The following PNISR variants were observed in gnomAD, a reference collection of about 807,000 sequenced individuals.
The protein encoded by PNISR is PNN interacting serine and arginine rich protein, also known as arginine/serine-rich protein PNISR.
Under a neutral mutation model 93.4 loss-of-function variants are expected in PNISR, and 20 were observed. The observed-to-expected ratio is 0.21, with a 90% CI of 0.15 to 0.31. The LOEUF (loss-of-function observed/expected upper bound fraction) is 0.31. PNISR is among the 10% of genes least tolerant of loss of function. The probability of loss-of-function intolerance (pLI) is 1.00; values close to 1 mark genes in which losing one functional copy is unlikely to be tolerated. For synonymous variants in PNISR, 305 were observed against 306.5 expected (o/e 0.99, Z 0.05); for missense variants, 893 against 985.4 (o/e 0.91, Z 1.25).
rs1367269888 is a variant in PNISR at position 99,410,888 on chromosome 6, G to A, written c.354C>T (p.Asp118=). 2 of 1,614,096 alleles carry A rather than the reference G, an allele frequency of 1.2e-6. No homozygotes were observed. The highest frequency in any genetic ancestry group is 3.3e-5 in the Admixed American group (2 of 60,002). ...PWMPPTPGPM[D]IVPPSEDSNS... is the part of the protein sequence containing the mutation. ...TGCTGTCTTCAGAAGGAGGAACAATGTCCATTGGGCCTGGTGTTGGTGGCA... is the reference window on the plus strand; with the variant it reads ...TGCTGTCTTCAGAAGGAGGAACAATATCCATTGGGCCTGGTGTTGGTGGCA... The change falls in exon 5 of 12, where the codon GAC becomes GAT. Residue 118 remains aspartate (D), a synonymous_variant. Transcript: ENST00000369239.
Position 99,419,188 on chromosome 6 carries a change from AAAG to A in PNISR, c.-111-2763_-111-2761del, listed in dbSNP as rs1283707669. Among the ~76,000 whole-genome samples, 16 of 51,878 alleles carry A rather than the reference AAAG, an allele frequency of 3.1e-4. 5 individuals carry two copies. The highest frequency in any genetic ancestry group is 4.0e-4 in the Non-Finnish European group (11 of 27,662). The allele number at this position is 51,878 out of a possible 152,430, so 34.0% of individuals were successfully genotyped here. A position where few individuals can be genotyped will look rare whatever the true frequency, so the allele number is the denominator to read the frequency against. On this transcript the variant is annotated intron_variant, in intron 1 of 11. Transcript: ENST00000369239. ...AAAAAAAAAAAAAAAAAAAAAAAAA[AAAG>A]GGCAATTTACCATTATGGCATCTTA...
intron 1 of PNISR, among the ~76,000 whole-genome samples, chr6:99,424,142 T>C (rs1211959813): frequency 6.6e-6 from 1 of 152,166 alleles, no homozygotes; most frequent in African/African-American, 2.4e-5. Flanking sequence ...CAGCCAAGAA[T>C]ATACAGCCTA....
At chr6:99,409,116 TTA>T (rs1363933411) in intron 6 of PNISR, 55 bp downstream of exon 6, 2 of 1,354,466 alleles carry the variant, frequency 1.5e-6, no homozygotes, top group African/African-American at 2.9e-5. Context: ...GACATCCTTT[TTA>T]TATGATAAAA....
chr6:99,401,736 G>T, intron 11 of PNISR, 106 bp from the exon 12 acceptor site: 1 of 816,544 alleles, frequency 1.2e-6, no homozygotes, highest in Non-Finnish European at 1.7e-6. Flanking sequence ...ATTTTCAATA[G>T]AATTACGATG....
chr6:99,405,898 T>G, intron 8 of PNISR, 133 bp downstream of exon 8: 1 of 546,494 alleles, frequency 1.8e-6, no homozygotes, highest in East Asian at 3.1e-5. Flanking sequence ...TTGTTTTAAG[T>G]TAAAAGGAGT....
At chr6:99,404,127 C>G (rs1775847874) in intron 9 of PNISR, 1 of 475,656 alleles carries the variant, frequency 2.1e-6, no homozygotes, top group Non-Finnish European at 3.7e-6. Flanking sequence ...ATGTCTACTT[C>G]TGAGATTATG....
chr6:99,409,000 A>T (rs1257118119), intron 6 of PNISR, among the ~76,000 whole-genome samples, 173 bp downstream of exon 6: 1 of 152,242 alleles, frequency 6.6e-6, no homozygotes, highest in Non-Finnish European at 1.5e-5. Flanking sequence ...TAAACCTTTT[A>T]ATTTCAGACC....
rs1239895855 is a variant in PNISR at position 99,400,345 on chromosome 6, T to C, written c.*195A>G. The C allele has an allele frequency of 3.6e-5, 42 of 1,166,782 alleles. No homozygotes were observed. The highest frequency in any genetic ancestry group is 4.3e-5 in the Non-Finnish European group (41 of 942,600). The allele number at this position is 1,166,782 out of a possible 1,614,324, so 72.3% of individuals were successfully genotyped here. A position where few individuals can be genotyped will look rare whatever the true frequency, so the allele number is the denominator to read the frequency against. Reference sequence around the variant, plus strand: ...AAAGGGAAAAGACAAAATTTAAAAATAAAAATGTATTTTAAATTAAAAATC... The same window carrying C: ...AAAGGGAAAAGACAAAATTTAAAAACAAAAATGTATTTTAAATTAAAAATC... On this transcript the variant is annotated 3_prime_UTR_variant, in exon 12 of 12. Transcript: ENST00000369239.
intron 7 of PNISR, among the ~76,000 whole-genome samples, chr6:99,407,150 T>C (rs368447008): frequency 4.9e-4 from 74 of 151,910 alleles, no homozygotes; most frequent in African/African-American, 1.7e-3. Context: ...TGAAACCCCG[T>C]CTCTACGAAA....
intron 1 of PNISR, among the ~76,000 whole-genome samples, chr6:99,416,909 G>A (rs1319638731): frequency 6.6e-6 from 1 of 152,130 alleles, no homozygotes; most frequent in Non-Finnish European, 1.5e-5. Flanking sequence ...TTTTACAGTT[G>A]AAAGAAAGAC....
chr6:99,402,844 GA>G (rs1775692186), intron 10 of PNISR, 134 bp from the exon 11 acceptor site: 1 of 594,192 alleles, frequency 1.7e-6, no homozygotes, highest in African/African-American at 2.0e-5. Flanking sequence ...TCGGGGTGGG[GA>G]GAAGTATACA....
intron 7 of PNISR, among the ~76,000 whole-genome samples, chr6:99,407,866 T>G (rs1776355918): frequency 2.6e-5 from 4 of 152,242 alleles, no homozygotes; most frequent in Non-Finnish European, 4.4e-5. Flanking sequence ...TAGCCAGCTC[T>G]CTGGAATGAA....
chr6:99,419,487 T>C (rs1778255667), intron 1 of PNISR, among the ~76,000 whole-genome samples: 1 of 152,186 alleles, frequency 6.6e-6, no homozygotes, highest in South Asian at 2.1e-4. Context: ...AAAAAGGGAC[T>C]ACAATCTGTC....
chr6:99,405,855 TAA>T (rs1017660887), intron 8 of PNISR, among the ~76,000 whole-genome samples, 174 bp downstream of exon 8: 2 of 152,166 alleles, frequency 1.3e-5, no homozygotes, highest in African/African-American at 4.8e-5. Context: ...TCAAAACATT[TAA>T]AAAAGTCCCT....
At chr6:99,405,375 G>A (rs539300282) in intron 8 of PNISR, among the ~76,000 whole-genome samples, 6 of 152,076 alleles carry the variant, frequency 3.9e-5, no homozygotes, top group Non-Finnish European at 8.8e-5. Context: ...GCAGAGGCAG[G>A]AGAACTGCTT....
In PNISR at chr6:99,400,369, T is replaced by C. The variant is rs925780131; in HGVS notation, c.*171A>G. The C allele has an allele frequency of 3.4e-6, 4 of 1,169,110 alleles. No individual in the cohort carries two copies. The African/African-American group carries it at 6.3e-5, about 19-fold the overall frequency. 72.4% of individuals were successfully genotyped at this position (1,169,110 alleles called of 1,614,324 possible). On this transcript the variant is annotated 3_prime_UTR_variant, in exon 12 of 12. Transcript: ENST00000369239. Reference sequence around the variant, plus strand: ...ATAAAAATGTATTTTAAATTAAAAATCTGCAATTTTAAATAAATAATATTA... The same window carrying C: ...ATAAAAATGTATTTTAAATTAAAAACCTGCAATTTTAAATAAATAATATTA...
intron 7 of PNISR, among the ~76,000 whole-genome samples, chr6:99,407,135 C>A (rs1776259222): frequency 6.6e-6 from 1 of 152,036 alleles, no homozygotes. Context: ...GCCTGGGCAA[C>A]ACGGTGAAAC....
At chr6:99,405,514 A>C (rs1477559578) in intron 8 of PNISR, among the ~76,000 whole-genome samples, 13 of 152,152 alleles carry the variant, frequency 8.5e-5, no homozygotes, top group African/African-American at 3.1e-4. Context: ...TCAAAGAAAA[A>C]AATATTATAA....
intron 1 of PNISR, among the ~76,000 whole-genome samples, chr6:99,421,582 C>G (rs1778555661): frequency 6.6e-6 from 1 of 152,060 alleles, no homozygotes; most frequent in East Asian, 1.9e-4. Context: ...CAAGGAACAT[C>G]AAGGATTGAC....
Sources: allele counts gnomAD v4.1 joint callset (sites outside exome capture counted in the v4.1 genomes callset), GRCh38; gene constraint gnomAD v4.1.1; transcripts MANE v1.5; gene names NCBI Gene and HGNC (gene_info 2026-07-23, HGNC 2026-07-21).